The following VASP variants were observed in gnomAD, a reference collection of about 807,000 sequenced individuals.
VASP encodes vasodilator stimulated phosphoprotein, also known as vasodilator-stimulated phosphoprotein.
A neutral mutation model predicts 54.4 loss-of-function variants in VASP; 27 were observed. That is an observed-to-expected ratio of 0.50 (90% CI 0.37 to 0.68). The LOEUF is 0.68. Ranked by LOEUF, VASP falls within the 30% of genes least tolerant of loss-of-function variation. The probability of loss-of-function intolerance (pLI) is 0.00; values close to 1 mark genes in which losing one functional copy is unlikely to be tolerated. For synonymous variants in VASP, 233 were observed against 209.8 expected (o/e 1.11, Z -0.96); for missense variants, 488 against 528.3 (o/e 0.92, Z 0.75).
rs142140615 is a variant in VASP, at chr19:45,518,087, G to A, written c.336G>A (p.Ala112=). The change falls in exon 3 of 13, where the codon GCG becomes GCA. Residue 112 remains alanine, a synonymous_variant. Coordinates refer to ENST00000245932, the MANE Select transcript of VASP (RefSeq NM_003370.4). ...CCGGCATGGCCAGTGCCCTAGAGGC[G>A]TTGGAAGGTCAGAAATGGCGGCGGG... ...FAAGMASALE[A]LEGGGPPPPP... 3.8e-5 allele frequency: 62 copies of A among 1,612,934 alleles called. No individual in the cohort carries two copies. Among genetic ancestry groups the A allele is most frequent in the Middle Eastern group, 1.7e-4 (1 of 6,042 alleles).
chr19:45,517,521 C>T (rs762163935), intron 1 of VASP, 142 bp from the exon 2 acceptor site: 49 of 974,894 alleles, frequency 5.0e-5, no homozygotes, highest in East Asian at 4.8e-4. Context: ...CTGTCTCCCC[C>T]GTCTCCTTCT....
At chr19:45,525,712 A>T in intron 11 of VASP, 1 of 433,888 alleles carries the variant, frequency 2.3e-6, no homozygotes, top group Non-Finnish European at 4.1e-6. Context: ...AAAAAGAAAA[A>T]GAAAAAGTTA....
At position 45,522,855 on chromosome 19, in the gene VASP, TC is replaced by T. The variant is rs750659179; in HGVS notation, c.821+39del. ...CCTGGACCCCCAAGTCACCTGGAGT[TC>T]CAGTTCAGTAGGGCCCAGTCAGAGG... is the stretch of plus-strand genomic sequence containing the variant. On this transcript the variant is annotated intron_variant, in intron 7 of 12. Coordinates refer to ENST00000245932, the MANE Select transcript of VASP (RefSeq NM_003370.4). 4.4e-6 allele frequency: 7 copies of T among 1,584,592 alleles called. No homozygotes were observed. The South Asian group carries it at 6.8e-5, about 15-fold the overall frequency.
intron 6 of VASP, 42 bp from the exon 7 acceptor site, chr19:45,522,676 A>G: frequency 6.9e-6 from 11 of 1,590,740 alleles, no homozygotes; most frequent in Non-Finnish European, 9.4e-6. Context: ...GAAGGCCAAA[A>G]GGCCTGCCCC....
Position 45,518,004 on chromosome 19 carries a change from G to A in VASP, c.253G>A (p.Ala85Thr), listed in dbSNP as rs145061417. The change falls in exon 3 of 13, where the codon GCT becomes ACT. Residue 85 changes from alanine to threonine, a missense_variant. By Grantham distance (58) the Ala-to-Thr change is moderately conservative. This residue lies in a region of VASP where 127 missense variants were observed against 170.7 expected (regional missense o/e 0.74). Transcript: ENST00000245932. The stretch of plus-strand genomic sequence containing the variant: ...CCCCAACTTCCATCAGTGGCGCGAC[G>A]CTCGCCAGGTCTGGGGCCTCAACTT... Reference protein sequence around the residue: ...ATPNFHQWRDARQVWGLNFGS... With the variant: ...ATPNFHQWRDTRQVWGLNFGS... The A allele has an allele frequency of 1.1e-5, 17 of 1,613,844 alleles. No individual in the cohort carries two copies. The South Asian group carries it at 1.1e-4, about 10-fold the overall frequency.
rs779166075 is a variant in VASP, at chr19:45,523,610, C to T, written c.822-34C>T. 4.3e-5 allele frequency: 70 copies of T among 1,612,028 alleles called. No individual in the cohort carries two copies. The South Asian group carries it at 5.6e-4, about 13-fold the overall frequency. On this transcript the variant is annotated intron_variant, in intron 7 of 12. Transcript: ENST00000245932. The stretch of plus-strand genomic sequence containing the variant: ...CCTCAGAAGGGGATGGGTTGGGTGA[C>T]GGAAGCACGTGTTTTTGCTTTTCTC...
chr19:45,523,413 G>A (rs1427480348), intron 7 of VASP, among the ~76,000 whole-genome samples: 2 of 151,718 alleles, frequency 1.3e-5, no homozygotes, highest in Non-Finnish European at 2.9e-5. Flanking sequence ...ATGTTGGCCA[G>A]GCTGGTCTTG....
At chr19:45,525,231 A>G (rs1361704202) in intron 11 of VASP, among the ~76,000 whole-genome samples, 1 of 151,976 alleles carries the variant, frequency 6.6e-6, no homozygotes, top group Non-Finnish European at 1.5e-5. Flanking sequence ...GCCTGGGGCA[A>G]CATCGGGAGA....
intron 11 of VASP, chr19:45,524,902 A>C: frequency 2.4e-6 from 1 of 410,756 alleles, no homozygotes; most frequent in African/African-American, 2.0e-5. Context: ...TTCTTTCCGC[A>C]CATTGACCCA....
At chr19:45,511,301 T>C (rs956949180) in intron 1 of VASP, among the ~76,000 whole-genome samples, 1 of 152,124 alleles carries the variant, frequency 6.6e-6, no homozygotes, top group East Asian at 1.9e-4. Context: ...TTACCTCTGG[T>C]GATGGGAAGC....
chr19:45,507,659 CCCTGGGGGAG>C lies in VASP; in HGVS notation c.-108_-99del. The C allele has an allele frequency of 7.2e-7, 1 of 1,393,508 alleles. No individual in the cohort carries two copies. Among genetic ancestry groups the C allele is most frequent in the East Asian group, 2.8e-5 (1 of 36,344 alleles). The allele number at this position is 1,393,508 out of a possible 1,614,324, so 86.3% of individuals were successfully genotyped here. ...GGAAGCCGGACTCTATGGGGCGGGA[CCCTGGGGGAG>C]CCTGAGCCGAGCCCGGAGCCAGCCC... On this transcript the variant is annotated 5_prime_UTR_variant, in exon 1 of 13. It removes the in-frame stop codon of an upstream open reading frame in the 5' UTR. Coordinates refer to ENST00000245932, the MANE Select transcript of VASP (RefSeq NM_003370.4). The surrounding 1 kb of genome is among the most constrained non-coding windows in gnomAD (Gnocchi z 4.4).
At chr19:45,514,716 C>G (rs571413506) in intron 1 of VASP, among the ~76,000 whole-genome samples, 1 of 152,142 alleles carries the variant, frequency 6.6e-6, no homozygotes, top group African/African-American at 2.4e-5. Context: ...TGGCCAGAGT[C>G]GGCCCTGGGT....
chr19:45,512,353 A>G (rs1439502651), intron 1 of VASP, among the ~76,000 whole-genome samples: 3 of 149,290 alleles, frequency 2.0e-5, no homozygotes, highest in African/African-American at 7.4e-5. Flanking sequence ...CAGTGGCGCG[A>G]TCTCAGCTCA....
At chr19:45,521,614 C>T (rs1599937784) in intron 4 of VASP, among the ~76,000 whole-genome samples, 1 of 152,152 alleles carries the variant, frequency 6.6e-6, no homozygotes, top group African/African-American at 2.4e-5. Context: ...TGTGGCTGGG[C>T]GTGGTGGCTC....
intron 3 of VASP, among the ~76,000 whole-genome samples, chr19:45,520,024 C>T (rs1968797923): frequency 6.6e-6 from 1 of 150,996 alleles, no homozygotes; most frequent in Admixed American, 6.6e-5. Context: ...GCCTCAGCCT[C>T]CTGAGTAGAT....
At chr19:45,518,876 G>A (rs545190349) in intron 3 of VASP, among the ~76,000 whole-genome samples, 1 of 152,320 alleles carries the variant, frequency 6.6e-6, no homozygotes, top group East Asian at 1.9e-4. Context: ...CTGTCACCCA[G>A]GCTGGAGTGC....
chr19:45,523,297 G>A (rs1968886878), intron 7 of VASP, among the ~76,000 whole-genome samples: 1 of 143,942 alleles, frequency 6.9e-6, no homozygotes, highest in Non-Finnish European at 1.5e-5. Context: ...CCGCCTCCTG[G>A]GTTCAGGCAG....
At chr19:45,511,769 C>T (rs1293043285) in intron 1 of VASP, among the ~76,000 whole-genome samples, 1 of 152,134 alleles carries the variant, frequency 6.6e-6, no homozygotes, top group African/African-American at 2.4e-5. Flanking sequence ...GATAAGAAAA[C>T]AAATAATAAG....
intron 1 of VASP, among the ~76,000 whole-genome samples, chr19:45,513,699 C>T (rs1968647021): frequency 6.6e-6 from 1 of 151,816 alleles, no homozygotes; most frequent in African/African-American, 2.4e-5. Flanking sequence ...AACTCTTGAC[C>T]TCAAGAGATC....
Sources: allele counts gnomAD v4.1 joint callset (sites outside exome capture counted in the v4.1 genomes callset), GRCh38; gene constraint gnomAD v4.1.1; regional missense constraint gnomAD v4.1.1; non-coding constraint Gnocchi (gnomAD v3.1); transcripts MANE v1.5; gene names NCBI Gene and HGNC (gene_info 2026-07-23, HGNC 2026-07-21).